PPA1: variants seen among roughly 807,000 people sequenced by gnomAD.
PPA1 encodes the protein inorganic pyrophosphatase 1.
Under a neutral mutation model 41.8 loss-of-function variants are expected in PPA1, and 23 were observed. That is an observed-to-expected ratio of 0.55 (90% CI 0.40 to 0.78). PPA1 has a LOEUF of 0.78. PPA1 is among the 30% of genes least tolerant of loss of function. The pLI is 0.00. For synonymous variants in PPA1, 101 were observed against 116.8 expected (o/e 0.86, Z 0.87); for missense variants, 320 against 361.6 (o/e 0.89, Z 0.93).
chr10:70,213,657 C>A, intron 5 of PPA1, 68 bp from the exon 6 acceptor site: 1 of 1,497,494 alleles, frequency 6.7e-7, no homozygotes, highest in Middle Eastern at 1.8e-4. Context: ...TTTTACTTGG[C>A]TAACAGGAAA....
rs1341818512 is a variant in PPA1, at chr10:70,214,606, T to C, written c.298-20A>G. 7 of 1,581,312 alleles carry C rather than the reference T, an allele frequency of 4.4e-6. No homozygotes were observed. The highest frequency in any genetic ancestry group is 3.4e-5 in the Admixed American group (2 of 59,654). ...CCAAGTCTAAAAATATAAGACAGTGTATATCATTCCTATACATACTGACAA... is the reference window on the plus strand; with the variant it reads ...CCAAGTCTAAAAATATAAGACAGTGCATATCATTCCTATACATACTGACAA... On this transcript the variant is annotated intron_variant, in intron 4 of 10. Transcript: ENST00000373232.
At chr10:70,221,258 G>A (rs1362328014) in intron 2 of PPA1, among the ~76,000 whole-genome samples, 2 of 149,448 alleles carry the variant, frequency 1.3e-5, no homozygotes, top group African/African-American at 2.5e-5. Flanking sequence ...TAAGTCAAAG[G>A]TTTCAAGTCA....
intron 1 of PPA1, among the ~76,000 whole-genome samples, chr10:70,231,836 C>T (rs1007482483): frequency 6.6e-6 from 1 of 152,138 alleles, no homozygotes; most frequent in African/African-American, 2.4e-5. Flanking sequence ...CTTTGGTCTC[C>T]CATAACGGCC....
chr10:70,209,883 G>A (rs1839997347), intron 6 of PPA1, 198 bp from the exon 7 acceptor site: 1 of 591,330 alleles, frequency 1.7e-6, no homozygotes, highest in Admixed American at 3.4e-5. Context: ...GAGAAGAGAA[G>A]CCATACACAT....
intron 4 of PPA1, among the ~76,000 whole-genome samples, chr10:70,215,010 C>T (rs1177042617): frequency 6.6e-6 from 1 of 152,054 alleles, no homozygotes; most frequent in Non-Finnish European, 1.5e-5. Flanking sequence ...GCCTAGCCAA[C>T]ATGGTGAAAC....
In PPA1 at chr10:70,210,307, G is replaced by A. The variant is rs1366283669; in HGVS notation, c.512-622C>T. 4.9e-6 allele frequency: 6 copies of A among 1,224,984 alleles called. No homozygotes were observed. The Admixed American group carries it at 6.2e-5, about 13-fold the overall frequency. 75.9% of individuals were successfully genotyped at this position (1,224,984 alleles called of 1,614,324 possible). On this transcript the variant is annotated intron_variant, in intron 6 of 10. Transcript: ENST00000373232. ...GCCCAGGCTGGTCTCAAACTCCTGG[G>A]CTCAAGCAATCCTCCTGCCTTGGCT...
At chr10:70,225,201 G>A (rs1046615698) in intron 2 of PPA1, among the ~76,000 whole-genome samples, 2 of 151,778 alleles carry the variant, frequency 1.3e-5, no homozygotes, top group Non-Finnish European at 1.5e-5. Context: ...ATCACCCTGT[G>A]GTCCCACCAC....
Position 70,203,086 on chromosome 10 carries a change from A to G in PPA1, c.*69T>C, listed in dbSNP as rs1317815356. 6.8e-7 allele frequency: 1 copy of G among 1,464,484 alleles called. No individual in the cohort carries two copies. The highest frequency in any genetic ancestry group is 9.5e-7 in the Non-Finnish European group (1 of 1,053,388). The allele number at this position is 1,464,484 out of a possible 1,614,324, so 90.7% of individuals were successfully genotyped here. A position where few individuals can be genotyped will look rare whatever the true frequency, so the allele number is the denominator to read the frequency against. On this transcript the variant is annotated 3_prime_UTR_variant, in exon 11 of 11. Coordinates refer to ENST00000373232, the MANE Select transcript of PPA1 (RefSeq NM_021129.4). Reference sequence around the variant, plus strand: ...AAATTTAAAGCTTTGAAAAGCTACTACTTTTACTTCTAATACATCCAGATG... The same window carrying G: ...AAATTTAAAGCTTTGAAAAGCTACTGCTTTTACTTCTAATACATCCAGATG...
intron 2 of PPA1, among the ~76,000 whole-genome samples, chr10:70,225,369 C>CA (rs1840218383): frequency 6.6e-6 from 1 of 152,028 alleles, no homozygotes; most frequent in Non-Finnish European, 1.5e-5. Context: ...CCACCACACC[C>CA]AGCTAATTTT....
chr10:70,206,156 T>C (rs1839936717), intron 9 of PPA1, 108 bp downstream of exon 9: 3 of 859,414 alleles, frequency 3.5e-6, no homozygotes, highest in African/African-American at 1.7e-5. Context: ...GTAACATGCA[T>C]ACAAAAGGCA....
At chr10:70,232,483 C>T (rs1330142062) in intron 1 of PPA1, among the ~76,000 whole-genome samples, 1 of 152,226 alleles carries the variant, frequency 6.6e-6, no homozygotes, top group Non-Finnish European at 1.5e-5. Flanking sequence ...CGCCAGCATG[C>T]AGCCTCCCGG....
At chr10:70,230,069 C>T (rs7075284) in intron 2 of PPA1, among the ~76,000 whole-genome samples, 12,998 of 152,088 alleles carry the variant, frequency 0.085, 736 homozygotes, top group East Asian at 0.22. Context: ...CCACCATGCC[C>T]GGCTAATTTT....
At chr10:70,223,699 T>C (rs951959535) in intron 2 of PPA1, among the ~76,000 whole-genome samples, 7 of 152,354 alleles carry the variant, frequency 4.6e-5, no homozygotes, top group Admixed American at 2.6e-4. Context: ...GCAACAGAGT[T>C]GCTATAAAAA....
intron 2 of PPA1, among the ~76,000 whole-genome samples, chr10:70,223,328 C>A (rs1486037908): frequency 6.6e-6 from 1 of 152,096 alleles, no homozygotes; most frequent in Admixed American, 6.6e-5. Context: ...AATCCTCCTG[C>A]CTCAGCCTCC....
intron 2 of PPA1, among the ~76,000 whole-genome samples, chr10:70,226,930 T>C (rs573452677): frequency 2.0e-5 from 3 of 152,242 alleles, no homozygotes; most frequent in South Asian, 4.1e-4. Context: ...CTGAAAAAAA[T>C]AGAACCCTAC....
chr10:70,215,282 G>T (rs893168792), intron 4 of PPA1, among the ~76,000 whole-genome samples: 1 of 151,986 alleles, frequency 6.6e-6, no homozygotes, highest in South Asian at 2.1e-4. Flanking sequence ...TAGAGACAGG[G>T]TCTCACTATG....
At chr10:70,232,046 G>C (rs996060609) in intron 1 of PPA1, among the ~76,000 whole-genome samples, 1 of 152,176 alleles carries the variant, frequency 6.6e-6, no homozygotes, top group Non-Finnish European at 1.5e-5. Context: ...GACTGTCCTT[G>C]CTGCTTAATT....
At chr10:70,221,223 C>T (rs750151779) in intron 2 of PPA1, among the ~76,000 whole-genome samples, 26 of 148,258 alleles carry the variant, frequency 1.8e-4, no homozygotes, top group Non-Finnish European at 3.4e-4. Flanking sequence ...CATCAAAAAA[C>T]GGGAACTGAT....
chr10:70,218,016 C>A, intron 3 of PPA1, 85 bp from the exon 4 acceptor site: 3 of 1,184,948 alleles, frequency 2.5e-6, no homozygotes, highest in Non-Finnish European at 3.5e-6. Flanking sequence ...ATTATGGTAC[C>A]TATGTTCCCT....
Sources: allele counts gnomAD v4.1 joint callset (sites outside exome capture counted in the v4.1 genomes callset), GRCh38; gene constraint gnomAD v4.1.1; transcripts MANE v1.5; gene names NCBI Gene and HGNC (gene_info 2026-07-23, HGNC 2026-07-21).